SYT16: variants seen among roughly 807,000 people sequenced by gnomAD.
SYT16 encodes the protein synaptotagmin-16.
SYT16 carries 42 observed loss-of-function variants against 61.4 expected under a neutral mutation model. The ratio of observed to expected loss-of-function variants is 0.68; its 90% CI spans 0.53 to 0.89. The LOEUF (loss-of-function observed/expected upper bound fraction) is 0.89. Ranked by LOEUF, SYT16 falls within the 40% of genes least tolerant of loss-of-function variation. The pLI is 0.00. For synonymous variants in SYT16, 314 were observed against 302.3 expected, an observed-to-expected ratio of 1.04 and a Z score of -0.40; for missense variants, 804 against 807.3, an observed-to-expected ratio of 1.00 and a Z score of 0.05.
intron 1 of SYT16, among the ~76,000 whole-genome samples, chr14:61,837,698 T>G (rs893567502): frequency 2.0e-5 from 3 of 152,122 alleles, no homozygotes; most frequent in African/African-American, 7.2e-5. Context: ...TATTCTGTAT[T>G]GCCTGTCTCC....
intron 2 of SYT16, among the ~76,000 whole-genome samples, chr14:61,988,465 A>C (rs2052412299): frequency 6.6e-6 from 1 of 152,174 alleles, no homozygotes; most frequent in South Asian, 2.1e-4. Flanking sequence ...AATACTCACA[A>C]ATACTCAATG....
At chr14:61,859,627 A>G (rs1447988954) in intron 1 of SYT16, among the ~76,000 whole-genome samples, 1 of 151,920 alleles carries the variant, frequency 6.6e-6, no homozygotes, top group Non-Finnish European at 1.5e-5. Context: ...TCTGTGTCCT[A>G]AATTTTCCAA....
chr14:61,864,869 C>G lies in SYT16; in HGVS notation c.-325+52059C>G, dbSNP rs1011455196. 4 of 1,180,150 alleles carry G rather than the reference C, an allele frequency of 3.4e-6. No individual in the cohort carries two copies. The African/African-American group carries it at 4.5e-5, about 13-fold the overall frequency. The allele number at this position is 1,180,150 out of a possible 1,614,324, so 73.1% of individuals were successfully genotyped here. ...TCGCTGCATATTCTCCCAGCCACCC[C>G]CGGCGGAGACAGTGACCAACTGCGC... On this transcript the variant is annotated intron_variant, in intron 1 of 7. Coordinates refer to ENST00000683842, the MANE Select transcript of SYT16 (RefSeq NM_001367656.1).
At chr14:61,882,069 C>T (rs1442565330) in intron 1 of SYT16, among the ~76,000 whole-genome samples, 2 of 152,168 alleles carry the variant, frequency 1.3e-5, no homozygotes, top group African/African-American at 2.4e-5. Flanking sequence ...CTGAACTGTT[C>T]TGAACTCAGG....
chr14:62,015,121 T>C (rs2053617441), intron 3 of SYT16, among the ~76,000 whole-genome samples: 1 of 152,234 alleles, frequency 6.6e-6, no homozygotes, highest in Admixed American at 6.5e-5. Flanking sequence ...CTTCCTCTTC[T>C]ATGTTCCGAT....
chr14:61,991,070 T>A (rs530828412), intron 2 of SYT16, among the ~76,000 whole-genome samples: 1 of 152,212 alleles, frequency 6.6e-6, no homozygotes, highest in Non-Finnish European at 1.5e-5. Context: ...TAATTCTTTC[T>A]TAGATTGTCA....
chr14:62,069,240 C>A (rs1431075421), intron 3 of SYT16, among the ~76,000 whole-genome samples: 2 of 152,184 alleles, frequency 1.3e-5, no homozygotes, highest in African/African-American at 2.4e-5. Flanking sequence ...ACTAGAACTG[C>A]ATATAAGGCA....
intron 7 of SYT16, among the ~76,000 whole-genome samples, chr14:62,100,072 C>T (rs77712870): frequency 0.019 from 2,935 of 152,326 alleles, 42 homozygotes; most frequent in Middle Eastern, 0.078. Context: ...AGATGAAGAA[C>T]TGTGCCTGCC....
intron 3 of SYT16, among the ~76,000 whole-genome samples, chr14:62,044,286 T>G (rs573603035): frequency 3.1e-4 from 47 of 152,290 alleles, no homozygotes; most frequent in African/African-American, 1.1e-3. Context: ...GACTTTTCTT[T>G]TCTTCTTTTA....
At chr14:61,905,991 G>A (rs1194083152) in intron 1 of SYT16, among the ~76,000 whole-genome samples, 4 of 152,120 alleles carry the variant, frequency 2.6e-5, no homozygotes, top group Admixed American at 6.5e-5. Flanking sequence ...TCTTGACCTC[G>A]TGATCCGCCT....
chr14:61,831,917 G>T (rs913248412), intron 1 of SYT16: 1 of 513,562 alleles, frequency 1.9e-6, no homozygotes, highest in Non-Finnish European at 3.8e-6. Flanking sequence ...GCCCTGCAGG[G>T]GTTCACCTCA....
intron 1 of SYT16, among the ~76,000 whole-genome samples, chr14:61,890,963 G>C (rs58511): frequency 0.91 from 138,598 of 152,250 alleles, 63,184 homozygotes; most frequent in East Asian, 0.98. Context: ...TAAGTCCCTG[G>C]AGTGCAGAGA....
At chr14:62,056,837 T>C (rs1346150773) in intron 3 of SYT16, among the ~76,000 whole-genome samples, 1 of 152,206 alleles carries the variant, frequency 6.6e-6, no homozygotes, top group African/African-American at 2.4e-5. Context: ...AGTCCCAGCT[T>C]GCAGGGAGCT....
At chr14:62,000,895 G>A (rs1036153456) in intron 3 of SYT16, among the ~76,000 whole-genome samples, 85 of 151,960 alleles carry the variant, frequency 5.6e-4, no homozygotes, top group African/African-American at 2.0e-3. Flanking sequence ...CGTATAATAC[G>A]CTGATACTGC....
chr14:61,844,669 A>T (rs2046390354), intron 1 of SYT16, among the ~76,000 whole-genome samples: 1 of 152,126 alleles, frequency 6.6e-6, no homozygotes, highest in Non-Finnish European at 1.5e-5. Context: ...CCTTCTCTTG[A>T]TATGATATAC....
intron 1 of SYT16, among the ~76,000 whole-genome samples, chr14:61,838,026 T>A (rs914455984): frequency 6.6e-6 from 1 of 152,204 alleles, no homozygotes; most frequent in Admixed American, 6.5e-5. Flanking sequence ...TCTTGACATA[T>A]TAGATAATGT....
intron 1 of SYT16, among the ~76,000 whole-genome samples, chr14:61,956,670 T>G (rs1052076274): frequency 6.6e-6 from 1 of 152,018 alleles, no homozygotes; most frequent in Non-Finnish European, 1.5e-5. Context: ...TCTCTCTGTT[T>G]TTATGTAAGT....
At chr14:61,877,626 G>C (rs2047545768) in intron 1 of SYT16, among the ~76,000 whole-genome samples, 1 of 152,174 alleles carries the variant, frequency 6.6e-6, no homozygotes, top group Non-Finnish European at 1.5e-5. Context: ...CCAGATCCAG[G>C]CTGGGCATAG....
At chr14:61,912,809 A>G (rs766579146) in intron 1 of SYT16, among the ~76,000 whole-genome samples, 9 of 152,212 alleles carry the variant, frequency 5.9e-5, no homozygotes, top group East Asian at 1.9e-4. Flanking sequence ...GATAAAGATG[A>G]TTTAGTCCCC....
Sources: allele counts gnomAD v4.1 joint callset (sites outside exome capture counted in the v4.1 genomes callset), GRCh38; gene constraint gnomAD v4.1.1; transcripts MANE v1.5; gene names NCBI Gene and HGNC (gene_info 2026-07-23, HGNC 2026-07-21).